KCND2: variants seen among roughly 807,000 people sequenced by gnomAD.
KCND2 encodes A-type voltage-gated potassium channel KCND2.
A neutral mutation model predicts 54.4 loss-of-function variants in KCND2; 16 were observed. That is an observed-to-expected ratio of 0.29 (90% CI 0.20 to 0.45). The LOEUF is 0.45. Ranked by LOEUF, KCND2 falls within the 20% of genes least tolerant of loss-of-function variation. The pLI is 1.00. For synonymous variants in KCND2, 317 were observed against 310.7 expected (o/e 1.02, Z -0.21); for missense variants, 486 against 824.2 (o/e 0.59, Z 5.02).
At chr7:120,607,394 G>A (rs577053105) in intron 1 of KCND2, among the ~76,000 whole-genome samples, 34 of 152,166 alleles carry the variant, frequency 2.2e-4, no homozygotes, top group African/African-American at 8.2e-4. Flanking sequence ...AATATTCATG[G>A]ACATTCTATT....
At chr7:120,364,255 A>C (rs1459357299) in intron 1 of KCND2, among the ~76,000 whole-genome samples, 4 of 152,190 alleles carry the variant, frequency 2.6e-5, no homozygotes, top group Admixed American at 1.3e-4. Context: ...CTCTGGGGGG[A>C]ACCCCACCAT....
chr7:120,664,192 G>A (rs7809998), intron 1 of KCND2, among the ~76,000 whole-genome samples: 4,912 of 152,040 alleles, frequency 0.032, 241 homozygotes, highest in African/African-American at 0.11. Flanking sequence ...TTGGTTTTTC[G>A]GCCTTCTTTT....
intron 1 of KCND2, among the ~76,000 whole-genome samples, chr7:120,645,802 A>G (rs926904317): frequency 6.6e-6 from 1 of 152,230 alleles, no homozygotes; most frequent in African/African-American, 2.4e-5. Flanking sequence ...TTTATGTCCA[A>G]TAGCTGACCA....
At chr7:120,671,383 C>G (rs533238207) in intron 1 of KCND2, among the ~76,000 whole-genome samples, 15 of 152,122 alleles carry the variant, frequency 9.9e-5, no homozygotes, top group African/African-American at 3.6e-4. Flanking sequence ...AATGCTCATA[C>G]GCCCGCTGCT....
intron 3 of KCND2, chr7:120,742,242 T>A: frequency 2.4e-6 from 1 of 423,260 alleles, no homozygotes; most frequent in Non-Finnish European, 4.4e-6. Flanking sequence ...ATTCCCATCT[T>A]ACAAACATAG....
At chr7:120,636,927 A>G (rs1327697356) in intron 1 of KCND2, among the ~76,000 whole-genome samples, 2 of 152,128 alleles carry the variant, frequency 1.3e-5, no homozygotes, top group Admixed American at 6.6e-5. Flanking sequence ...AGGAACTTGC[A>G]TAACTATGAA....
intron 1 of KCND2, among the ~76,000 whole-genome samples, chr7:120,696,875 G>A (rs184679552): frequency 1.9e-4 from 29 of 152,176 alleles, no homozygotes; most frequent in Admixed American, 5.9e-4. Flanking sequence ...CTCAGTCTCA[G>A]GTATTCCATT....
intron 1 of KCND2, among the ~76,000 whole-genome samples, chr7:120,500,944 T>C (rs1003544495): frequency 2.6e-5 from 4 of 152,150 alleles, no homozygotes; most frequent in African/African-American, 9.6e-5. Flanking sequence ...AAATAATGGT[T>C]AAATCCTATA....
At chr7:120,498,462 G>A (rs1049611765) in intron 1 of KCND2, among the ~76,000 whole-genome samples, 3 of 150,624 alleles carry the variant, frequency 2.0e-5, no homozygotes, top group Non-Finnish European at 4.4e-5. Context: ...CCTGGCGACA[G>A]AGCAAGACTC....
intron 1 of KCND2, among the ~76,000 whole-genome samples, chr7:120,625,041 T>G (rs1793148171): frequency 6.6e-6 from 1 of 152,182 alleles, no homozygotes; most frequent in African/African-American, 2.4e-5. Context: ...CAATTTTGCC[T>G]ATTATGTGAT....
chr7:120,380,544 T>C (rs1162245789), intron 1 of KCND2, among the ~76,000 whole-genome samples: 1 of 152,078 alleles, frequency 6.6e-6, no homozygotes, highest in Non-Finnish European at 1.5e-5. Flanking sequence ...ATAATAGCTT[T>C]TTAAACCTAA....
chr7:120,512,014 G>A (rs781074951), intron 1 of KCND2, among the ~76,000 whole-genome samples: 10 of 152,010 alleles, frequency 6.6e-5, no homozygotes, highest in Non-Finnish European at 1.5e-4. Context: ...GTCCTAACCC[G>A]AATGTGTGAA....
At chr7:120,318,719 A>G (rs1799849900) in intron 1 of KCND2, among the ~76,000 whole-genome samples, 1 of 152,082 alleles carries the variant, frequency 6.6e-6, no homozygotes, top group Admixed American at 6.6e-5. Flanking sequence ...TCATGTTATG[A>G]AGAAATACCA....
At chr7:120,577,960 G>A (rs547462615) in intron 1 of KCND2, among the ~76,000 whole-genome samples, 1 of 152,158 alleles carries the variant, frequency 6.6e-6, no homozygotes, top group East Asian at 1.9e-4. Flanking sequence ...TAGCACTTTG[G>A]GAAGCTGAGG....
intron 1 of KCND2, among the ~76,000 whole-genome samples, chr7:120,575,406 A>C (rs556834921): frequency 2.0e-4 from 31 of 152,292 alleles, no homozygotes; most frequent in African/African-American, 7.0e-4. Flanking sequence ...AGACTCAGCC[A>C]GTCTAATCCT....
chr7:120,419,039 T>C (rs1042114929), intron 1 of KCND2, among the ~76,000 whole-genome samples: 9 of 152,130 alleles, frequency 5.9e-5, no homozygotes, highest in Non-Finnish European at 1.3e-4. Context: ...AATATATCAC[T>C]GTACCACTGA....
intron 1 of KCND2, among the ~76,000 whole-genome samples, chr7:120,456,716 T>C (rs1485270643): frequency 1.3e-5 from 2 of 152,210 alleles, no homozygotes; most frequent in African/African-American, 4.8e-5. Context: ...GTCTGTGGCT[T>C]TTCCAGGCAC....
At chr7:120,623,901 G>A (rs1393281648) in intron 1 of KCND2, among the ~76,000 whole-genome samples, 1 of 152,132 alleles carries the variant, frequency 6.6e-6, no homozygotes, top group Non-Finnish European at 1.5e-5. Flanking sequence ...TACAAGGAAT[G>A]TTCAGGGCTT....
At chr7:120,335,230 G>C (rs1309579805) in intron 1 of KCND2, among the ~76,000 whole-genome samples, 1 of 151,612 alleles carries the variant, frequency 6.6e-6, no homozygotes, top group East Asian at 2.0e-4. Context: ...GGGCGTGGTA[G>C]TGCATGCCTG....
Sources: gnomAD v4.1 joint callset for allele counts (sites outside exome capture counted in the v4.1 genomes callset) on GRCh38, gnomAD v4.1.1 for gene constraint, MANE v1.5 for transcripts, NCBI Gene and HGNC (gene_info 2026-07-23, HGNC 2026-07-21) for gene names.